Variants in ARHGAP26 observed in about 807,000 individuals in gnomAD.
The protein encoded by ARHGAP26 is rho GTPase-activating protein 26.
ARHGAP26 carries 38 observed loss-of-function variants against 104.8 expected under a neutral mutation model. The observed-to-expected ratio is 0.36, with a 90% CI of 0.28 to 0.48. ARHGAP26 has a LOEUF of 0.48. Ranked by LOEUF, ARHGAP26 falls within the 20% of genes least tolerant of loss-of-function variation. The pLI is 0.99. For missense variants in ARHGAP26, 704 were observed against 947.9 expected (o/e 0.74, Z 3.38); for synonymous variants, 341 against 340.0 (o/e 1.00, Z -0.03).
chr5:143,045,420 G>A (rs1174508638), intron 14 of ARHGAP26, among the ~76,000 whole-genome samples: 1 of 132,818 alleles, frequency 7.5e-6, no homozygotes, highest in East Asian at 2.1e-4. Context: ...AATCACCAGG[G>A]CTCTAGACCC....
At chr5:142,909,770 C>G (rs1037254856) in intron 9 of ARHGAP26, among the ~76,000 whole-genome samples, 1 of 152,210 alleles carries the variant, frequency 6.6e-6, no homozygotes, top group Non-Finnish European at 1.5e-5. Flanking sequence ...TGGATTGAGC[C>G]TTAGTCCCTT....
At chr5:142,940,177 G>A (rs776345848) in intron 11 of ARHGAP26, among the ~76,000 whole-genome samples, 2 of 152,174 alleles carry the variant, frequency 1.3e-5, no homozygotes, top group East Asian at 1.9e-4. Flanking sequence ...ACCAGTCTGC[G>A]GCTGACACTT....
chr5:142,933,020 T>A (rs1438279007), intron 11 of ARHGAP26, among the ~76,000 whole-genome samples: 2 of 152,268 alleles, frequency 1.3e-5, no homozygotes, highest in Non-Finnish European at 1.5e-5. Context: ...AAATAACTGA[T>A]GATTTAGGCA....
At chr5:142,961,529 C>G (rs1319389741) in intron 11 of ARHGAP26, among the ~76,000 whole-genome samples, 1 of 152,046 alleles carries the variant, frequency 6.6e-6, no homozygotes, top group African/African-American at 2.4e-5. Context: ...TTTAAATGTC[C>G]CATTGTCACT....
intron 9 of ARHGAP26, chr5:142,908,765 C>G (rs1288584439): frequency 6.0e-6 from 1 of 167,140 alleles, no homozygotes; most frequent in African/African-American, 2.4e-5. Flanking sequence ...ATGTAGCTAT[C>G]TTTGGAAGAG....
At chr5:142,949,668 A>G (rs968366820) in intron 11 of ARHGAP26, among the ~76,000 whole-genome samples, 7 of 152,136 alleles carry the variant, frequency 4.6e-5, no homozygotes, top group Non-Finnish European at 8.8e-5. Flanking sequence ...AAGCAGAGGA[A>G]ATAGACACAA....
chr5:142,931,370 A>G (rs1305522060), intron 10 of ARHGAP26, among the ~76,000 whole-genome samples: 1 of 152,086 alleles, frequency 6.6e-6, no homozygotes, highest in African/African-American at 2.4e-5. Context: ...AACAAAACCC[A>G]TTTGATATTG....
chr5:143,216,056 T>A (rs1364089992), intron 22 of ARHGAP26: 2 of 398,446 alleles, frequency 5.0e-6, no homozygotes, highest in African/African-American at 4.2e-5. Context: ...TTGCACCATT[T>A]TACCATTTTA....
chr5:142,864,888 C>T (rs961493413), intron 1 of ARHGAP26, among the ~76,000 whole-genome samples: 2 of 152,232 alleles, frequency 1.3e-5, no homozygotes, highest in African/African-American at 4.8e-5. Context: ...CTGATGTTTG[C>T]GCAGCCAATG....
At chr5:142,958,035 AC>A (rs1769546523) in intron 11 of ARHGAP26, among the ~76,000 whole-genome samples, 1 of 152,200 alleles carries the variant, frequency 6.6e-6, no homozygotes, top group Non-Finnish European at 1.5e-5. Flanking sequence ...ATTTGAAATA[AC>A]ATTTGAAAAA....
intron 11 of ARHGAP26, among the ~76,000 whole-genome samples, chr5:142,947,710 C>T (rs758461999): frequency 6.6e-6 from 1 of 152,064 alleles, no homozygotes; most frequent in Admixed American, 6.6e-5. Context: ...TGTTGAATGT[C>T]TTGGGTTTTG....
At chr5:142,781,841 A>AGCT (rs1757562284) in intron 1 of ARHGAP26, among the ~76,000 whole-genome samples, 1 of 152,122 alleles carries the variant, frequency 6.6e-6, no homozygotes, top group Non-Finnish European at 1.5e-5. Context: ...CCTCCTGAGT[A>AGCT]GCTGGGACTA....
At chr5:142,840,660 C>T (rs1468537511) in intron 1 of ARHGAP26, among the ~76,000 whole-genome samples, 1 of 152,144 alleles carries the variant, frequency 6.6e-6, no homozygotes, top group African/African-American at 2.4e-5. Flanking sequence ...CCTAGTTGGT[C>T]AGTAGAGGCA....
At chr5:143,021,182 CT>C (rs776770084) in intron 12 of ARHGAP26, among the ~76,000 whole-genome samples, 2 of 151,992 alleles carry the variant, frequency 1.3e-5, no homozygotes, top group African/African-American at 2.4e-5. Context: ...TAAATGATGT[CT>C]TGTATGTATT....
chr5:142,965,069 G>C (rs539904357), intron 11 of ARHGAP26, among the ~76,000 whole-genome samples: 1 of 152,350 alleles, frequency 6.6e-6, no homozygotes, highest in South Asian at 2.1e-4. Flanking sequence ...CCAAGGCAGA[G>C]AGGGAGAGGA....
intron 1 of ARHGAP26, among the ~76,000 whole-genome samples, chr5:142,866,379 C>A (rs943937297): frequency 6.6e-6 from 1 of 152,178 alleles, no homozygotes; most frequent in Non-Finnish European, 1.5e-5. Flanking sequence ...CGTTATTTAA[C>A]CTCTCTGAGC....
At chr5:142,795,584 C>T (rs1444763490) in intron 1 of ARHGAP26, among the ~76,000 whole-genome samples, 1 of 152,186 alleles carries the variant, frequency 6.6e-6, no homozygotes, top group Non-Finnish European at 1.5e-5. Flanking sequence ...GGTTCATTAT[C>T]CAAGTGTAGA....
intron 1 of ARHGAP26, among the ~76,000 whole-genome samples, chr5:142,799,723 G>A (rs1316941053): frequency 6.6e-6 from 1 of 152,186 alleles, no homozygotes; most frequent in Admixed American, 6.5e-5. Flanking sequence ...GAGAGGATGA[G>A]AGAGGCAAAA....
intron 1 of ARHGAP26, among the ~76,000 whole-genome samples, chr5:142,853,209 G>A (rs1323967030): frequency 1.3e-5 from 2 of 151,966 alleles, no homozygotes; most frequent in Non-Finnish European, 2.9e-5. Flanking sequence ...TTTTGAGACA[G>A]GGTCTTCTTT....
Sources: gnomAD v4.1 joint callset for allele counts (sites outside exome capture counted in the v4.1 genomes callset) on GRCh38, gnomAD v4.1.1 for gene constraint, MANE v1.5 for transcripts, NCBI Gene and HGNC (gene_info 2026-07-23, HGNC 2026-07-21) for gene names.